The following ORC2 variants were observed in gnomAD, a reference collection of about 807,000 sequenced individuals.
ORC2 encodes origin recognition complex subunit 2.
A neutral mutation model predicts 77.7 loss-of-function variants in ORC2; 37 were observed. The ratio of observed to expected loss-of-function variants is 0.48; its 90% CI spans 0.37 to 0.63. ORC2 has a LOEUF of 0.63. Ranked by LOEUF, ORC2 falls within the 20% of genes least tolerant of loss-of-function variation. ORC2 has a pLI of 0.00. For synonymous variants in ORC2, 201 were observed against 229.5 expected (o/e 0.88, Z 1.12); for missense variants, 557 against 661.9 (o/e 0.84, Z 1.74).
At chr2:200,927,026 A>C in intron 11 of ORC2, 126 bp from the exon 12 acceptor site, 3 of 964,836 alleles carry the variant, frequency 3.1e-6, no homozygotes, top group Non-Finnish European at 4.6e-6. Context: ...CACTGGCTCA[A>C]GCCTGTAATC....
At position 200,909,221 on chromosome 2, in the gene ORC2, T is replaced by C. The variant is rs1384546016; in HGVS notation, c.*2080A>G. ...TTAAAAGGAGAAAGACAGATACTTT[T>C]ACATATGCATAGACGATATCTGGAA... On this transcript the variant is annotated 3_prime_UTR_variant, in exon 18 of 18. Coordinates refer to ENST00000234296, the MANE Select transcript of ORC2 (RefSeq NM_006190.5). 1.3e-5 allele frequency: 2 copies of C among 152,226 alleles called. No individual in the cohort carries two copies. The highest frequency in any genetic ancestry group is 2.4e-5 in the African/African-American group (1 of 41,468). 9.4% of individuals were successfully genotyped at this position (152,226 alleles called of 1,614,324 possible).
At chr2:200,926,720 A>C (rs1366833439) in intron 12 of ORC2, 48 bp downstream of exon 12, 5 of 1,591,680 alleles carry the variant, frequency 3.1e-6, no homozygotes, top group Non-Finnish European at 4.3e-6. Flanking sequence ...GGGGGCTTGA[A>C]TTGGCAGAGG....
At chr2:200,937,368 G>C (rs2041066123) in intron 8 of ORC2, among the ~76,000 whole-genome samples, 1 of 152,166 alleles carries the variant, frequency 6.6e-6, no homozygotes, top group South Asian at 2.1e-4. Flanking sequence ...ACAACTCTAT[G>C]AAATCCATAC....
At chr2:200,923,680 T>G (rs1470006396) in intron 13 of ORC2, among the ~76,000 whole-genome samples, 1 of 152,214 alleles carries the variant, frequency 6.6e-6, no homozygotes, top group African/African-American at 2.4e-5. Flanking sequence ...CATCACAGCC[T>G]TCTTGTGCTT....
chr2:200,948,422 T>C (rs949601869), intron 5 of ORC2, among the ~76,000 whole-genome samples: 5 of 152,186 alleles, frequency 3.3e-5, no homozygotes, highest in African/African-American at 4.8e-5. Flanking sequence ...TCTCTGAAAA[T>C]CAGCAACTGA....
At chr2:200,962,538 T>C (rs1366984540) in intron 1 of ORC2, among the ~76,000 whole-genome samples, 1 of 152,222 alleles carries the variant, frequency 6.6e-6, no homozygotes, top group Non-Finnish European at 1.5e-5. Context: ...TTAAATGAAA[T>C]GATGTGCCTG....
intron 6 of ORC2, 29 bp downstream of exon 6, chr2:200,942,656 C>A (rs1290339647): frequency 1.6e-6 from 2 of 1,256,612 alleles, no homozygotes; most frequent in Non-Finnish European, 2.2e-6. Flanking sequence ...TATGAAAATT[C>A]TTTTCAAAGA....
At chr2:200,939,168 A>C (rs1358757143) in intron 7 of ORC2, among the ~76,000 whole-genome samples, 9 of 152,174 alleles carry the variant, frequency 5.9e-5, no homozygotes, top group Admixed American at 5.9e-4. Flanking sequence ...ATCTTGACCC[A>C]GTACACGTGT....
chr2:200,957,667 T>C lies in ORC2; in HGVS notation c.95-123A>G, dbSNP rs145087978. On this transcript the variant is annotated intron_variant, in intron 3 of 17. Coordinates refer to ENST00000234296, the MANE Select transcript of ORC2 (RefSeq NM_006190.5). ...TAAAAGCTGGGAAAAAAGCTTTCTC[T>C]TTGATTAAAACTGACCACTCTGACC... 6.4e-3 allele frequency: 4,619 copies of C among 719,726 alleles called. 26 individuals carry two copies. Among genetic ancestry groups the C allele is most frequent in the Non-Finnish European group, 7.3e-3 (3,621 of 497,426 alleles). 44.6% of individuals were successfully genotyped at this position (719,726 alleles called of 1,614,324 possible).
intron 15 of ORC2, among the ~76,000 whole-genome samples, chr2:200,918,052 A>G (rs776760065): frequency 1.3e-5 from 2 of 152,036 alleles, no homozygotes; most frequent in Non-Finnish European, 2.9e-5. Flanking sequence ...ACTTTTATTC[A>G]TACTGATATA....
chr2:200,930,118 T>C (rs990264444), intron 11 of ORC2, among the ~76,000 whole-genome samples: 2 of 150,954 alleles, frequency 1.3e-5, no homozygotes, highest in Non-Finnish European at 3.0e-5. Context: ...GAGGTCAAGC[T>C]AAAGTCCAAC....
chr2:200,926,592 T>C (rs946807833), intron 12 of ORC2, among the ~76,000 whole-genome samples, 176 bp downstream of exon 12: 2 of 152,226 alleles, frequency 1.3e-5, no homozygotes, highest in African/African-American at 4.8e-5. Flanking sequence ...TGTAGGACAT[T>C]CGAAGATGGT....
chr2:200,958,913 A>C (rs2041520998), intron 2 of ORC2, among the ~76,000 whole-genome samples: 1 of 152,220 alleles, frequency 6.6e-6, no homozygotes, highest in South Asian at 2.1e-4. Context: ...CAAAAAATGT[A>C]AACTAAGATT....
intron 2 of ORC2, among the ~76,000 whole-genome samples, chr2:200,958,833 G>A (rs900325456): frequency 6.6e-6 from 1 of 152,182 alleles, no homozygotes; most frequent in African/African-American, 2.4e-5. Context: ...TGAACTTTCA[G>A]AACTTACTAT....
At chr2:200,918,919 G>T (rs1339243833) in intron 15 of ORC2, among the ~76,000 whole-genome samples, 1 of 152,164 alleles carries the variant, frequency 6.6e-6, no homozygotes, top group African/African-American at 2.4e-5. Flanking sequence ...CACCCAGGCT[G>T]GAGTGCAGTG....
chr2:200,957,734 A>G (rs2041497025), intron 3 of ORC2, among the ~76,000 whole-genome samples, 190 bp from the exon 4 acceptor site: 1 of 151,886 alleles, frequency 6.6e-6, no homozygotes, highest in Admixed American at 6.6e-5. Context: ...AAACACACAC[A>G]ATCTTGAAAG....
At chr2:200,941,841 G>A (rs889963383) in intron 6 of ORC2, among the ~76,000 whole-genome samples, 1 of 152,094 alleles carries the variant, frequency 6.6e-6, no homozygotes, top group Non-Finnish European at 1.5e-5. Flanking sequence ...GCAAAAATTA[G>A]CTGGGCATGT....
intron 5 of ORC2, among the ~76,000 whole-genome samples, chr2:200,949,241 T>TAA (rs746523658): frequency 3.7e-5 from 5 of 134,534 alleles, no homozygotes; most frequent in Admixed American, 7.5e-5. Context: ...ACTCCACCTT[T>TAA]AAAAAAAAAA....
intron 5 of ORC2, among the ~76,000 whole-genome samples, chr2:200,946,551 G>A (rs565610255): frequency 6.6e-6 from 1 of 152,256 alleles, no homozygotes; most frequent in South Asian, 2.1e-4. Flanking sequence ...ATCTTCTCAT[G>A]ACTTTAAAAT....
Sources: allele counts gnomAD v4.1 joint callset (sites outside exome capture counted in the v4.1 genomes callset), GRCh38; gene constraint gnomAD v4.1.1; transcripts MANE v1.5; gene names NCBI Gene and HGNC (gene_info 2026-07-23, HGNC 2026-07-21).